Variants in DOCK2 observed in about 807,000 individuals in gnomAD.
The protein encoded by DOCK2 is dedicator of cytokinesis protein 2.
In DOCK2, 87 loss-of-function variants were observed where a neutral mutation model predicts 248.9. The observed-to-expected ratio is 0.35, with a 90% CI of 0.29 to 0.42. DOCK2 has a LOEUF of 0.42. Ranked by LOEUF, DOCK2 falls within the 10% of genes least tolerant of loss-of-function variation. The pLI, the probability that DOCK2 is intolerant of heterozygous loss-of-function variation, is 1.00. For missense variants in DOCK2, 1,747 were observed against 2,300.2 expected (o/e 0.76, Z 4.92); for synonymous variants, 805 against 821.6 (o/e 0.98, Z 0.35).
At chr5:169,711,802 C>G (rs1761600386) in intron 15 of DOCK2, 133 bp from the exon 16 acceptor site, 1 of 834,054 alleles carries the variant, frequency 1.2e-6, no homozygotes, top group Admixed American at 2.1e-5. Flanking sequence ...TCATCAGCCT[C>G]AATGGATGGG....
At chr5:169,640,766 T>C (rs1757102472) in intron 1 of DOCK2, among the ~76,000 whole-genome samples, 1 of 152,214 alleles carries the variant, frequency 6.6e-6, no homozygotes, top group South Asian at 2.1e-4. Context: ...ACAGTCCTTA[T>C]TTCTTAGGAG....
intron 23 of DOCK2, among the ~76,000 whole-genome samples, chr5:169,750,124 A>T (rs1763820185): frequency 6.6e-6 from 1 of 152,240 alleles, no homozygotes. Flanking sequence ...CCAGTTTCTC[A>T]TCCCAGAGGA....
intron 22 of DOCK2, among the ~76,000 whole-genome samples, chr5:169,731,850 G>T (rs1182537822): frequency 6.6e-6 from 1 of 152,164 alleles, no homozygotes. Context: ...GCCTGGTGTG[G>T]TGGCTCATGC....
rs374933953 is a variant in DOCK2, at chr5:169,699,363, G to T, written c.1056-19G>T. On this transcript the variant is annotated intron_variant, in intron 11 of 51. Transcript: ENST00000520908. ...GGAGGACACGATGTGGACATTTCAT[G>T]CTCTCTTTTCCTTTCCAGGGTTACA... 2.5e-6 allele frequency: 4 copies of T among 1,610,302 alleles called. No homozygotes were observed. The highest frequency in any genetic ancestry group is 1.3e-5 in the African/African-American group (1 of 74,844).
chr5:169,724,081 G>T (rs541749445), intron 22 of DOCK2, among the ~76,000 whole-genome samples: 1 of 152,138 alleles, frequency 6.6e-6, no homozygotes, highest in Non-Finnish European at 1.5e-5. Context: ...TGAAGCAAAT[G>T]TGAGAACCTG....
At chr5:169,814,033 A>C (rs1318091222) in intron 26 of DOCK2, among the ~76,000 whole-genome samples, 2 of 152,244 alleles carry the variant, frequency 1.3e-5, no homozygotes, top group Non-Finnish European at 2.9e-5. Context: ...TGTTACAAGG[A>C]AGAACCATCG....
intron 27 of DOCK2, among the ~76,000 whole-genome samples, chr5:169,856,866 C>G (rs1461197265): frequency 6.6e-6 from 1 of 152,182 alleles, no homozygotes. Context: ...CAAGATGAAG[C>G]ACCAAGTAGA....
intron 30 of DOCK2, among the ~76,000 whole-genome samples, chr5:170,001,457 T>C (rs1396717948): frequency 6.6e-6 from 1 of 152,064 alleles, no homozygotes; most frequent in Non-Finnish European, 1.5e-5. Flanking sequence ...AGCAGGGTGG[T>C]GAAGAATACA....
chr5:169,924,771 C>A (rs927636068), intron 27 of DOCK2, among the ~76,000 whole-genome samples: 3 of 152,124 alleles, frequency 2.0e-5, no homozygotes, highest in Non-Finnish European at 4.4e-5. Context: ...CTTTTCTTTT[C>A]TTTTTTCATC....
chr5:169,807,723 A>G (rs1215964746), intron 26 of DOCK2, among the ~76,000 whole-genome samples: 4 of 150,046 alleles, frequency 2.7e-5, no homozygotes, highest in Non-Finnish European at 4.4e-5. Context: ...AGTCCCAGCT[A>G]CTCTGGAGGC....
intron 25 of DOCK2, among the ~76,000 whole-genome samples, chr5:169,793,142 C>T (rs766953499): frequency 3.3e-5 from 5 of 152,176 alleles, no homozygotes; most frequent in African/African-American, 4.8e-5. Context: ...TCTATGATTA[C>T]ACCCTAATTT....
rs111700850 is a variant in DOCK2, at chr5:169,708,490, G to C, written c.1482+223G>C. ...AATATCAGAGCTGGGATTCAAACCT[G>C]AGCAGTCTGGCTCTGGGTCTGTGCT... On this transcript the variant is annotated intron_variant, in intron 15 of 51. Transcript: ENST00000520908. Among the ~76,000 whole-genome samples the C allele has an allele frequency of 1.6e-3, 245 of 152,202 alleles. 1 individual carries two copies. The highest frequency in any genetic ancestry group is 5.8e-3 in the African/African-American group (240 of 41,520).
At chr5:169,644,729 CCGTCAT>C (rs1186343100) in intron 1 of DOCK2, among the ~76,000 whole-genome samples, 1 of 151,816 alleles carries the variant, frequency 6.6e-6, no homozygotes, top group African/African-American at 2.4e-5. Flanking sequence ...ACCTATCTTC[CCGTCAT>C]CTAGGTTTTA....
In DOCK2 at chr5:169,912,479, A is replaced by T. The variant is rs374092599; in HGVS notation, c.2800-70589A>T. Among the ~76,000 whole-genome samples the T allele has an allele frequency of 3.9e-5, 6 of 152,274 alleles. No individual in the cohort carries two copies. The East Asian group carries it at 1.2e-3, about 29-fold the overall frequency. ...TTGGCACGTGTATGTGTGTGTGCAC[A>T]TATGTGTTTTCTTAGGGTCTTATTG... On this transcript the variant is annotated intron_variant, in intron 27 of 51. Transcript: ENST00000520908.
intron 27 of DOCK2, among the ~76,000 whole-genome samples, chr5:169,901,789 G>T (rs1773939888): frequency 6.6e-6 from 1 of 152,206 alleles, no homozygotes; most frequent in South Asian, 2.1e-4. Flanking sequence ...CTTTCCCAGA[G>T]CCAAATGGAG....
intron 29 of DOCK2, 47 bp downstream of exon 29, chr5:169,985,969 T>A (rs1341434895): frequency 1.3e-6 from 2 of 1,516,736 alleles, no homozygotes; most frequent in South Asian, 2.6e-5. Flanking sequence ...CAGCCCTCAC[T>A]TCAAAGATCA....
intron 27 of DOCK2, among the ~76,000 whole-genome samples, chr5:169,919,802 C>T (rs1775073500): frequency 6.6e-6 from 1 of 152,160 alleles, no homozygotes; most frequent in African/African-American, 2.4e-5. Context: ...GGAGTATTTG[C>T]ATATTAATAG....
intron 27 of DOCK2, among the ~76,000 whole-genome samples, chr5:169,851,932 G>T (rs190434875): frequency 6.6e-6 from 1 of 152,146 alleles, no homozygotes; most frequent in Non-Finnish European, 1.5e-5. Flanking sequence ...ATTACAATTC[G>T]AGATGAGATT....
At chr5:169,923,782 T>C (rs1324914110) in intron 27 of DOCK2, among the ~76,000 whole-genome samples, 1 of 152,224 alleles carries the variant, frequency 6.6e-6, no homozygotes, top group East Asian at 1.9e-4. Context: ...TTCTTAAAGT[T>C]TCTCTTCTCT....
Sources: gnomAD v4.1 joint callset for allele counts (sites outside exome capture counted in the v4.1 genomes callset) on GRCh38, gnomAD v4.1.1 for gene constraint, MANE v1.5 for transcripts, NCBI Gene and HGNC (gene_info 2026-07-23, HGNC 2026-07-21) for gene names.